Variants in NDUFAF2 observed in about 807,000 individuals in gnomAD.
NDUFAF2 encodes the protein NADH dehydrogenase [ubiquinone] 1 alpha subcomplex assembly factor 2.
NDUFAF2 carries 13 observed loss-of-function variants against 22.8 expected under a neutral mutation model. The ratio of observed to expected loss-of-function variants is 0.57; its 90% CI spans 0.37 to 0.91. The LOEUF is 0.91. NDUFAF2 is among the 40% of genes least tolerant of loss of function. The pLI, the probability that NDUFAF2 is intolerant of heterozygous loss-of-function variation, is 0.01. For missense variants in NDUFAF2, 162 were observed against 195.2 expected (o/e 0.83, Z 1.01); for synonymous variants, 53 against 64.2 (o/e 0.83, Z 0.84).
intron 2 of NDUFAF2, among the ~76,000 whole-genome samples, chr5:61,074,066 C>T (rs889860607): frequency 2.0e-5 from 3 of 152,192 alleles, no homozygotes; most frequent in Non-Finnish European, 4.4e-5. Context: ...CACCTCATAA[C>T]CATGTTATGT....
intron 2 of NDUFAF2, among the ~76,000 whole-genome samples, chr5:61,084,239 TC>T (rs1752478806): frequency 1.3e-5 from 2 of 151,530 alleles, no homozygotes; most frequent in South Asian, 2.1e-4. Context: ...TTATTTTTTT[TC>T]ATTCTGTTAA....
intron 1 of NDUFAF2, among the ~76,000 whole-genome samples, chr5:61,032,819 A>G (rs897372271): frequency 2.6e-5 from 4 of 152,034 alleles, no homozygotes; most frequent in Non-Finnish European, 4.4e-5. Context: ...TTGGGACACT[A>G]CTGCCCATTA....
chr5:60,955,382 G>A (rs1168178107), intron 1 of NDUFAF2, among the ~76,000 whole-genome samples: 1 of 152,120 alleles, frequency 6.6e-6, no homozygotes, highest in Non-Finnish European at 1.5e-5. Context: ...GTCCTCATGT[G>A]TGGGTTTATT....
At chr5:61,143,083 C>T (rs149262899) in intron 3 of NDUFAF2, among the ~76,000 whole-genome samples, 420 of 152,174 alleles carry the variant, frequency 2.8e-3, no homozygotes, top group African/African-American at 5.0e-3. Context: ...AAAGAATATT[C>T]AACTCTGAAC....
chr5:61,022,971 GTACTT>G (rs1751603844), intron 1 of NDUFAF2, among the ~76,000 whole-genome samples: 2 of 152,124 alleles, frequency 1.3e-5, no homozygotes, highest in South Asian at 2.1e-4. Flanking sequence ...CATTTTCACT[GTACTT>G]TATTTAGGTA....
chr5:61,073,194 A>C lies in NDUFAF2; in HGVS notation c.197A>C (p.Asp66Ala). 1 of 1,612,210 alleles carries C rather than the reference A, an allele frequency of 6.2e-7. No individual in the cohort carries two copies. Among genetic ancestry groups the C allele is most frequent in the Non-Finnish European group, 8.5e-7 (1 of 1,178,488 alleles). The change falls in exon 2 of 4, where the codon GAT (aspartate) becomes GCT (alanine). Residue 66 changes from aspartate to alanine, a missense_variant. This residue lies in a region of NDUFAF2 where 94 missense variants were observed against 85.2 expected (regional missense o/e 1.10). Coordinates refer to ENST00000296597, the MANE Select transcript of NDUFAF2 (RefSeq NM_174889.5). ...NKKEVDYEAG[D>A]IPTEWEAWIR... is the part of the protein sequence containing the mutation. ...AAAGAAGTAGACTATGAAGCAGGGGATATTCCAACAGAATGGGAAGGTAAG... is the reference window on the plus strand; with the variant it reads ...AAAGAAGTAGACTATGAAGCAGGGGCTATTCCAACAGAATGGGAAGGTAAG...
intron 1 of NDUFAF2, among the ~76,000 whole-genome samples, chr5:61,020,993 C>CTTTTTT (rs35877702): frequency 8.6e-6 from 1 of 116,616 alleles, no homozygotes; most frequent in East Asian, 2.5e-4. Context: ...TGCGTCCAGC[C>CTTTTTT]TTTTTTTTTT....
chr5:61,005,216 C>G (rs1189967211), intron 1 of NDUFAF2, among the ~76,000 whole-genome samples: 1 of 152,112 alleles, frequency 6.6e-6, no homozygotes, highest in Non-Finnish European at 1.5e-5. Context: ...TGATAGTTGG[C>G]TTAGAATGAT....
chr5:60,974,668 A>T (rs994099035), intron 1 of NDUFAF2, among the ~76,000 whole-genome samples: 2 of 151,772 alleles, frequency 1.3e-5, no homozygotes, highest in Admixed American at 1.3e-4. Context: ...GTAATTTTAG[A>T]TCAATCTTAA....
Position 61,140,215 on chromosome 5 carries a change from G to A in NDUFAF2, c.259-12489G>A, listed in dbSNP as rs184099558. ...TCACTGTCATCACTGATTAGAAACA[G>A]GGATTGTCCTCATCTCCTTCACCTC... On this transcript the variant is annotated intron_variant, in intron 3 of 3. Coordinates refer to ENST00000296597, the MANE Select transcript of NDUFAF2 (RefSeq NM_174889.5). Among the ~76,000 whole-genome samples, 11 of 152,366 alleles carry A rather than the reference G, an allele frequency of 7.2e-5. No individual in the cohort carries two copies. In the East Asian group the frequency reaches 1.2e-3, roughly 16 times the overall value.
chr5:60,992,015 G>T (rs559572177), intron 1 of NDUFAF2, among the ~76,000 whole-genome samples: 1 of 152,264 alleles, frequency 6.6e-6, no homozygotes, highest in South Asian at 2.1e-4. Flanking sequence ...ATGTCTTATT[G>T]TAGTTTTGAT....
intron 2 of NDUFAF2, among the ~76,000 whole-genome samples, chr5:61,074,755 C>T (rs976545887): frequency 3.3e-5 from 5 of 151,818 alleles, no homozygotes; most frequent in African/African-American, 4.8e-5. Context: ...AGCGAAACTC[C>T]GTCTCAAAAA....
intron 2 of NDUFAF2, among the ~76,000 whole-genome samples, chr5:61,096,460 G>A (rs1018511033): frequency 4.0e-5 from 6 of 151,760 alleles, no homozygotes; most frequent in South Asian, 4.2e-4. Flanking sequence ...TTAGCTGGGC[G>A]TGGTGGCGAG....
intron 1 of NDUFAF2, among the ~76,000 whole-genome samples, chr5:60,970,072 C>T (rs888359138): frequency 4.6e-5 from 7 of 152,060 alleles, no homozygotes; most frequent in Non-Finnish European, 7.4e-5. Context: ...TATTCTGTTC[C>T]ACTGACCTAT....
intron 3 of NDUFAF2, among the ~76,000 whole-genome samples, chr5:61,137,322 A>G (rs939669120): frequency 2.6e-5 from 4 of 152,214 alleles, no homozygotes; most frequent in Non-Finnish European, 4.4e-5. Context: ...CAACACTTAC[A>G]TAATATGCTA....
rs538070759 is a variant in NDUFAF2 at position 60,987,321 on chromosome 5, A to T, written c.127+41939A>T. On this transcript the variant is annotated intron_variant, in intron 1 of 3. Transcript: ENST00000296597. ...ATCCCCCATAAAAGCCCAGGATGAG[A>T]AAGATTCTTGGCTGAATTCCACCAG... Among the ~76,000 whole-genome samples, 8 of 152,298 alleles carry T rather than the reference A, an allele frequency of 5.3e-5. No homozygotes were observed. In the East Asian group the frequency reaches 1.4e-3, roughly 26 times the overall value.
intron 1 of NDUFAF2, among the ~76,000 whole-genome samples, chr5:61,005,896 G>A (rs1295383128): frequency 6.6e-6 from 1 of 152,114 alleles, no homozygotes; most frequent in African/African-American, 2.4e-5. Context: ...TAGGTTGCCT[G>A]TTCACTCTGA....
intron 3 of NDUFAF2, among the ~76,000 whole-genome samples, chr5:61,111,182 A>G (rs936142091): frequency 6.6e-6 from 1 of 152,200 alleles, no homozygotes; most frequent in Non-Finnish European, 1.5e-5. Flanking sequence ...AAGATACTCG[A>G]GATAATTTCA....
rs539542239 is a variant in NDUFAF2, at chr5:61,048,474, A to C, written c.128-24651A>C. 2.6e-5 allele frequency among the ~76,000 whole-genome samples: 4 copies of C among 152,244 alleles called. No homozygotes were observed. The South Asian group carries it at 8.3e-4, about 32-fold the overall frequency. On this transcript the variant is annotated intron_variant, in intron 1 of 3. Transcript: ENST00000296597. ...ATATATGGTTTTTGTTTTTATAGGA[A>C]GTGAAGAATGAGACATTAGAGTTAT...
Sources: allele counts gnomAD v4.1 joint callset (sites outside exome capture counted in the v4.1 genomes callset), GRCh38; gene constraint gnomAD v4.1.1; regional missense constraint gnomAD v4.1.1; transcripts MANE v1.5; gene names NCBI Gene and HGNC (gene_info 2026-07-23, HGNC 2026-07-21).